LHFPL3: variants seen among roughly 807,000 people sequenced by gnomAD.
LHFPL3 encodes the protein LHFPL tetraspan subfamily member 3.
LHFPL3 carries 5 observed loss-of-function variants against 19.3 expected under a neutral mutation model. The ratio of observed to expected loss-of-function variants is 0.26; its 90% CI spans 0.14 to 0.54. The LOEUF (loss-of-function observed/expected upper bound fraction) is 0.54. Among genes scored for constraint, LHFPL3 ranks in the 20% least tolerant of loss-of-function variants. The pLI, the probability that LHFPL3 is intolerant of heterozygous loss-of-function variation, is 0.94. For missense variants in LHFPL3, 249 were observed against 307.4 expected, an observed-to-expected ratio of 0.81 and a Z score of 1.42; for synonymous variants, 133 against 126.2, an observed-to-expected ratio of 1.05 and a Z score of -0.36.
intron 1 of LHFPL3, among the ~76,000 whole-genome samples, chr7:104,454,306 G>A (rs1792500126): frequency 6.6e-6 from 1 of 152,172 alleles, no homozygotes; most frequent in South Asian, 2.1e-4. Flanking sequence ...TAGACCAATT[G>A]CTTGTCTCAC....
chr7:104,584,995 A>G (rs1790537158), intron 1 of LHFPL3, among the ~76,000 whole-genome samples: 1 of 152,202 alleles, frequency 6.6e-6, no homozygotes, highest in South Asian at 2.1e-4. Context: ...ATACACATTC[A>G]TGAAGGATGG....
At chr7:104,520,313 G>C (rs1397645094) in intron 1 of LHFPL3, among the ~76,000 whole-genome samples, 1 of 148,890 alleles carries the variant, frequency 6.7e-6, no homozygotes, top group African/African-American at 2.5e-5. Context: ...GATCATGGTG[G>C]ATAAGCTTTT....
intron 1 of LHFPL3, among the ~76,000 whole-genome samples, chr7:104,644,906 TG>T (rs1268482096): frequency 6.6e-6 from 1 of 152,180 alleles, no homozygotes; most frequent in Non-Finnish European, 1.5e-5. Context: ...AGCTCCTAAG[TG>T]GTTTTGAAAA....
chr7:104,621,508 TG>T (rs1397483676), intron 1 of LHFPL3, among the ~76,000 whole-genome samples: 1 of 152,214 alleles, frequency 6.6e-6, no homozygotes, highest in African/African-American at 2.4e-5. Context: ...AAGAGTGTGC[TG>T]GGTCAGAGGA....
chr7:104,458,972 T>A (rs1187367846), intron 1 of LHFPL3, among the ~76,000 whole-genome samples: 1 of 152,178 alleles, frequency 6.6e-6, no homozygotes, highest in Admixed American at 6.5e-5. Context: ...GAAAGGATCT[T>A]GGCACCTAAG....
intron 1 of LHFPL3, among the ~76,000 whole-genome samples, chr7:104,421,349 C>T (rs1322041106): frequency 6.6e-6 from 1 of 152,098 alleles, no homozygotes; most frequent in African/African-American, 2.4e-5. Flanking sequence ...TGAGGCTTGA[C>T]CAGATGAGAG....
chr7:104,787,165 C>A (rs1459358686), intron 2 of LHFPL3, among the ~76,000 whole-genome samples: 1 of 152,170 alleles, frequency 6.6e-6, no homozygotes, highest in Non-Finnish European at 1.5e-5. Flanking sequence ...TACTGAAGCC[C>A]CATGTTATTC....
At chr7:104,661,859 T>C (rs1035224044) in intron 1 of LHFPL3, among the ~76,000 whole-genome samples, 16 of 152,228 alleles carry the variant, frequency 1.1e-4, no homozygotes, top group Non-Finnish European at 5.9e-5. Flanking sequence ...TTTTTTGGCA[T>C]ATCCAAATTG....
At chr7:104,889,374 T>C (rs1189245820) in intron 2 of LHFPL3, among the ~76,000 whole-genome samples, 6 of 152,214 alleles carry the variant, frequency 3.9e-5, no homozygotes, top group Non-Finnish European at 8.8e-5. Flanking sequence ...GCGTGGTGGC[T>C]CACGCCTGTA....
intron 1 of LHFPL3, among the ~76,000 whole-genome samples, chr7:104,533,006 G>A (rs1794331231): frequency 6.6e-6 from 1 of 152,136 alleles, no homozygotes; most frequent in African/African-American, 2.4e-5. Context: ...TCTTCCAAGG[G>A]AACTATAGTC....
chr7:104,555,023 G>C (rs1304212758), intron 1 of LHFPL3, among the ~76,000 whole-genome samples: 2 of 152,150 alleles, frequency 1.3e-5, no homozygotes, highest in Non-Finnish European at 2.9e-5. Context: ...TTTTATCCAG[G>C]CTCCCAGGTG....
At chr7:104,536,404 G>A (rs1173330632) in intron 1 of LHFPL3, among the ~76,000 whole-genome samples, 3 of 152,090 alleles carry the variant, frequency 2.0e-5, no homozygotes, top group African/African-American at 2.4e-5. Context: ...CCCAGCCCAC[G>A]AGTATTTTGC....
intron 1 of LHFPL3, among the ~76,000 whole-genome samples, chr7:104,647,861 C>T (rs936773463): frequency 2.0e-5 from 3 of 152,180 alleles, no homozygotes; most frequent in Admixed American, 1.3e-4. Flanking sequence ...GCTGACAATT[C>T]GTTGGCCAGA....
chr7:104,492,294 T>C (rs1282542552), intron 1 of LHFPL3, among the ~76,000 whole-genome samples: 1 of 152,180 alleles, frequency 6.6e-6, no homozygotes, highest in Non-Finnish European at 1.5e-5. Context: ...ATTCCAATAA[T>C]AGCAACAGAA....
chr7:104,884,470 A>C (rs1792111973), intron 2 of LHFPL3, among the ~76,000 whole-genome samples: 2 of 152,184 alleles, frequency 1.3e-5, no homozygotes, highest in Non-Finnish European at 2.9e-5. Flanking sequence ...ATATCTGGGA[A>C]TAGAACCTAG....
chr7:104,425,411 G>C (rs1451807323), intron 1 of LHFPL3, among the ~76,000 whole-genome samples: 1 of 152,006 alleles, frequency 6.6e-6, no homozygotes, highest in East Asian at 1.9e-4. Context: ...TTATTTGCCT[G>C]TTAGAAATAT....
chr7:104,432,965 G>C (rs938354663), intron 1 of LHFPL3, among the ~76,000 whole-genome samples: 4 of 152,048 alleles, frequency 2.6e-5, no homozygotes, highest in African/African-American at 9.7e-5. Flanking sequence ...GTTTCATTCA[G>C]TACAGCTGGG....
At chr7:104,669,584 C>T (rs1792431724) in intron 1 of LHFPL3, 2 of 1,611,290 alleles carry the variant, frequency 1.2e-6, no homozygotes, top group African/African-American at 1.3e-5. Context: ...TAGACCTCTA[C>T]ATCCTGTGCT....
chr7:104,600,541 C>T (rs556277174), intron 1 of LHFPL3, among the ~76,000 whole-genome samples: 2 of 152,266 alleles, frequency 1.3e-5, no homozygotes, highest in East Asian at 1.9e-4. Flanking sequence ...TTTCATGATA[C>T]TTTTTACTTT....
Sources: gnomAD v4.1 joint callset for allele counts (sites outside exome capture counted in the v4.1 genomes callset) on GRCh38, gnomAD v4.1.1 for gene constraint, MANE v1.5 for transcripts, NCBI Gene and HGNC (gene_info 2026-07-23, HGNC 2026-07-21) for gene names.